The following NTN1 variants were observed in gnomAD, a reference collection of about 807,000 sequenced individuals.
NTN1 encodes netrin 1.
NTN1 carries 11 observed loss-of-function variants against 54.2 expected under a neutral mutation model. The ratio of observed to expected loss-of-function variants is 0.20; its 90% confidence interval spans 0.13 to 0.34. The LOEUF is 0.34. NTN1 is among the 10% of genes least tolerant of loss of function. The pLI is 1.00. For synonymous variants in NTN1, 371 were observed against 382.0 expected (o/e 0.97, Z 0.33); for missense variants, 740 against 893.1 (o/e 0.83, Z 2.18).
At chr17:9,023,417 G>C in intron 2 of NTN1, 26 bp downstream of exon 2, 1 of 1,347,102 alleles carries the variant, frequency 7.4e-7, no homozygotes, top group Non-Finnish European at 9.5e-7. Context: ...CGGCGGAGCC[G>C]GCGGCGGGTG....
chr17:9,089,262 A>G (rs754985291), intron 2 of NTN1, among the ~76,000 whole-genome samples: 6 of 152,102 alleles, frequency 3.9e-5, no homozygotes, highest in Non-Finnish European at 7.4e-5. Flanking sequence ...AAAATACAAA[A>G]AAGTTAGCCA....
At chr17:9,131,147 A>T (rs2092263800) in intron 2 of NTN1, among the ~76,000 whole-genome samples, 1 of 152,140 alleles carries the variant, frequency 6.6e-6, no homozygotes, top group Admixed American at 6.5e-5. Flanking sequence ...TACATGGCTC[A>T]CATCTTAACT....
rs1905282001 is a variant in NTN1, at chr17:9,219,395, G to T, written c.1412-1773G>T. On this transcript the variant is annotated intron_variant, in intron 5 of 6. Coordinates refer to ENST00000173229, the MANE Select transcript of NTN1 (RefSeq NM_004822.3). This position sits in a 1 kb window ranked among gnomAD's most constrained non-coding sequence, Gnocchi z 4.5. ...CAGTGCCATGGAGCAGGGGTGTCAT[G>T]AAGGGGCTCCGAGGGCTCAGATCAT... Among the ~76,000 whole-genome samples, 1 of 152,218 alleles carries T rather than the reference G, an allele frequency of 6.6e-6. No homozygotes were observed. Among genetic ancestry groups the T allele is most frequent in the African/African-American group, 2.4e-5 (1 of 41,444 alleles).
chr17:9,039,450 C>T (rs144616346), intron 2 of NTN1, among the ~76,000 whole-genome samples: 1 of 152,180 alleles, frequency 6.6e-6, no homozygotes, highest in Non-Finnish European at 1.5e-5. Flanking sequence ...TGGTCAAAAT[C>T]ATGAATTGTA....
At chr17:9,144,434 C>T (rs1468426300) in intron 2 of NTN1, among the ~76,000 whole-genome samples, 3 of 152,146 alleles carry the variant, frequency 2.0e-5, no homozygotes, top group Non-Finnish European at 2.9e-5. Context: ...CAAACACACC[C>T]AAGGTCAAGT....
At chr17:9,109,698 TC>T (rs1249372219) in intron 2 of NTN1, among the ~76,000 whole-genome samples, 1 of 152,250 alleles carries the variant, frequency 6.6e-6, no homozygotes, top group Non-Finnish European at 1.5e-5. Flanking sequence ...CAAATTGCTT[TC>T]CGAGGTGATT....
At chr17:9,007,677 CTCCTTTCTTCCTTCCT>C in the NTN1 span, among the ~76,000 whole-genome samples, 1 of 142,782 alleles carries the variant, frequency 7.0e-6, no homozygotes, top group Non-Finnish European at 1.5e-5. Flanking sequence ...TTCCCTCCTT[CTCCTTTCTTCCTTCCT>C]TCCTTTCTTC....
At chr17:9,014,760 G>A in the NTN1 span, among the ~76,000 whole-genome samples, 1 of 152,218 alleles carries the variant, frequency 6.6e-6, no homozygotes, top group Non-Finnish European at 1.5e-5. Flanking sequence ...TGGACCAGAG[G>A]TGTTAAGAAG....
chr17:9,207,418 G>A (rs922871493), intron 5 of NTN1, among the ~76,000 whole-genome samples: 2 of 152,158 alleles, frequency 1.3e-5, no homozygotes, highest in East Asian at 3.8e-4. Context: ...GATAATGAGA[G>A]CCAACATTTT....
intron 2 of NTN1, among the ~76,000 whole-genome samples, chr17:9,067,050 C>T (rs778676644): frequency 4.7e-5 from 7 of 149,616 alleles, no homozygotes; most frequent in African/African-American, 7.4e-5. Flanking sequence ...TTTGGGAGGC[C>T]GAGGTGGGCG....
At chr17:9,127,009 C>T (rs906499028) in intron 2 of NTN1, among the ~76,000 whole-genome samples, 11 of 109,060 alleles carry the variant, frequency 1.0e-4, no homozygotes, top group Middle Eastern at 6.1e-3. Context: ...ATCAGGGAGG[C>T]GGAGGGAGGC....
intron 2 of NTN1, among the ~76,000 whole-genome samples, chr17:9,074,445 A>C (rs1187749268): frequency 3.9e-5 from 6 of 152,152 alleles, no homozygotes; most frequent in Non-Finnish European, 5.9e-5. Flanking sequence ...GAGTGTGCAA[A>C]TCAGTGGAAA....
intron 2 of NTN1, among the ~76,000 whole-genome samples, chr17:9,025,043 A>G (rs1245950982): frequency 6.6e-6 from 1 of 152,034 alleles, no homozygotes; most frequent in Non-Finnish European, 1.5e-5. Context: ...GGGTTTTGCT[A>G]TCAGTTTTAG....
At chr17:9,015,273 T>C in the NTN1 span, among the ~76,000 whole-genome samples, 5 of 152,098 alleles carry the variant, frequency 3.3e-5, no homozygotes, top group Non-Finnish European at 5.9e-5. Flanking sequence ...TAGATGGGTG[T>C]GGTGGCGGGT....
intron 5 of NTN1, among the ~76,000 whole-genome samples, chr17:9,217,543 G>C (rs1905241481): frequency 6.6e-6 from 1 of 152,122 alleles, no homozygotes; most frequent in South Asian, 2.1e-4. Context: ...ACCATAGAGA[G>C]AGAACATACG....
chr17:9,203,952 T>G (rs1464155868), intron 5 of NTN1, among the ~76,000 whole-genome samples: 1 of 152,196 alleles, frequency 6.6e-6, no homozygotes, highest in East Asian at 1.9e-4. Context: ...GGGCTCCTTC[T>G]TCAAAAGTTT....
chr17:9,028,011 G>C lies in NTN1; in HGVS notation c.1018+4620G>C, dbSNP rs555884071. Among the ~76,000 whole-genome samples the C allele has an allele frequency of 1.3e-4, 20 of 151,586 alleles. No individual in the cohort carries two copies. The East Asian group carries it at 3.3e-3, about 25-fold the overall frequency. ...ATAGTGGCGGGTGCCGGTAATCCTAGCTACTAGGGAGGCTGAGGCAGGAGA... is the reference window on the plus strand; with the variant it reads ...ATAGTGGCGGGTGCCGGTAATCCTACCTACTAGGGAGGCTGAGGCAGGAGA... On this transcript the variant is annotated intron_variant, in intron 2 of 6. Transcript: ENST00000173229.
intron 5 of NTN1, among the ~76,000 whole-genome samples, chr17:9,199,749 G>C (rs1430147491): frequency 6.6e-6 from 1 of 152,252 alleles, no homozygotes; most frequent in African/African-American, 2.4e-5. Context: ...TATCTGCCTG[G>C]TTGGGCGGGG....
chr17:9,234,381 C>T (rs922000583), intron 6 of NTN1, among the ~76,000 whole-genome samples: 1 of 152,188 alleles, frequency 6.6e-6, no homozygotes, highest in Admixed American at 6.5e-5. Flanking sequence ...CGAGGGGTGG[C>T]CCATGGGCTG....
Sources: gnomAD v4.1 joint callset for allele counts (sites outside exome capture counted in the v4.1 genomes callset) on GRCh38, gnomAD v4.1.1 for gene constraint, Gnocchi (gnomAD v3.1) non-coding constraint, MANE v1.5 for transcripts, NCBI Gene and HGNC (gene_info 2026-07-23, HGNC 2026-07-21) for gene names.